The following KDM4B variants were observed in gnomAD, a reference collection of about 807,000 sequenced individuals.
KDM4B encodes lysine-specific demethylase 4B.
KDM4B carries 32 observed loss-of-function variants against 125.2 expected under a neutral mutation model. The ratio of observed to expected loss-of-function variants is 0.26; its 90% CI spans 0.19 to 0.34. The LOEUF (loss-of-function observed/expected upper bound fraction) is 0.34. KDM4B is among the 10% of genes least tolerant of loss of function. The pLI is 1.00. For missense variants in KDM4B, 1,190 were observed against 1,577.7 expected (o/e 0.75, Z 4.16); for synonymous variants, 721 against 677.9 (o/e 1.06, Z -0.99).
chr19:5,068,176 G>A (rs2037834768), intron 6 of KDM4B, among the ~76,000 whole-genome samples: 1 of 152,026 alleles, frequency 6.6e-6, no homozygotes, highest in African/African-American at 2.4e-5. Flanking sequence ...ATGAGGAGGG[G>A]GCCGTGCATT....
chr19:4,976,238 A>T (rs1299341705), intron 1 of KDM4B, among the ~76,000 whole-genome samples: 4 of 142,546 alleles, frequency 2.8e-5, no homozygotes, highest in Non-Finnish European at 6.1e-5. Flanking sequence ...GACAAGAGGG[A>T]AACTCAGTCT....
chr19:4,980,400 AGAGCC>A lies in KDM4B; in HGVS notation c.-109+11171_-109+11175del, dbSNP rs535326486. On this transcript the variant is annotated intron_variant, in intron 1 of 22. Transcript: ENST00000159111. ...GGTGTATCCACGCATGGCATGTGTC[AGAGCC>A]TTGTCCCTTTTCTTTCTTTTTTTTT... 1.2e-4 allele frequency among the ~76,000 whole-genome samples: 18 copies of A among 149,364 alleles called. No individual in the cohort carries two copies. In the South Asian group the frequency reaches 3.0e-3, roughly 25 times the overall value.
chr19:5,091,536 G>A (rs1366572981), intron 9 of KDM4B, among the ~76,000 whole-genome samples: 1 of 152,212 alleles, frequency 6.6e-6, no homozygotes, highest in Non-Finnish European at 1.5e-5. Context: ...CCCGCATCCA[G>A]GCTGGATGGG....
intron 1 of KDM4B, among the ~76,000 whole-genome samples, chr19:4,970,449 C>T (rs985318966): frequency 6.6e-6 from 1 of 152,008 alleles, no homozygotes; most frequent in African/African-American, 2.4e-5. Flanking sequence ...CTTTGGGTCC[C>T]ACCGGGTGCC....
At chr19:5,136,143 T>C (rs1165269552) in intron 15 of KDM4B, among the ~76,000 whole-genome samples, 3 of 152,156 alleles carry the variant, frequency 2.0e-5, no homozygotes, top group Non-Finnish European at 4.4e-5. Context: ...TGCCGAGTCT[T>C]CTCCAAGGCC....
chr19:5,150,772 T>C lies in KDM4B; in HGVS notation c.3114+322T>C, dbSNP rs1044454341. The stretch of plus-strand genomic sequence containing the variant: ...CCCCTGTGCCCTGCAGGACCCGCGC[T>C]GCCCCACCCTGCACAGGGCGGCCTC... On this transcript the variant is annotated intron_variant, in intron 22 of 22. Transcript: ENST00000159111. 1.3e-3 allele frequency among the ~76,000 whole-genome samples: 192 copies of C among 152,276 alleles called. 1 individual carries two copies. The highest frequency in any genetic ancestry group is 4.5e-3 in the African/African-American group (185 of 41,564).
rs2038179782 is a variant in KDM4B at position 5,078,237 on chromosome 19, C to T, written c.780+767C>T. ...GCTCTGTCCAGGTGAGAGGCACGTG[C>T]CAAGAACCTGCAAGGCAGGTCTGGG... is the stretch of plus-strand genomic sequence containing the variant. On this transcript the variant is annotated intron_variant, in intron 8 of 22. Coordinates refer to ENST00000159111, the MANE Select transcript of KDM4B (RefSeq NM_015015.3). The surrounding 1 kb of genome is among the most constrained non-coding windows in gnomAD (Gnocchi z 4.5). The T allele has an allele frequency of 1.3e-5, 2 of 152,480 alleles. No homozygotes were observed. The highest frequency in any genetic ancestry group is 4.1e-4 in the South Asian group (2 of 4,832). The allele number at this position is 152,480 out of a possible 1,614,324, so 9.4% of individuals were successfully genotyped here. A position where few individuals can be genotyped will look rare whatever the true frequency, so the allele number is the denominator to read the frequency against.
intron 1 of KDM4B, among the ~76,000 whole-genome samples, chr19:4,983,742 G>A (rs961802165): frequency 6.6e-6 from 1 of 152,180 alleles, no homozygotes; most frequent in Non-Finnish European, 1.5e-5. Flanking sequence ...GATCAGCACC[G>A]CCCAGGAATA....
intron 18 of KDM4B, 33 bp downstream of exon 18, chr19:5,138,103 G>A (rs1258416272): frequency 2.2e-5 from 34 of 1,533,204 alleles, no homozygotes; most frequent in Non-Finnish European, 2.8e-5. Context: ...CACCCTGCCC[G>A]TGCCTCTAGG....
intron 2 of KDM4B, among the ~76,000 whole-genome samples, chr19:5,025,768 T>C (rs2036259125): frequency 6.6e-6 from 1 of 152,264 alleles, no homozygotes; most frequent in Non-Finnish European, 1.5e-5. Context: ...CTTGCACCCC[T>C]GCGTGTTTGA....
chr19:5,140,954 CG>C (rs1178696034), intron 18 of KDM4B: 10 of 152,236 alleles, frequency 6.6e-5, no homozygotes, highest in African/African-American at 2.4e-4. Flanking sequence ...TTCCCAGCCG[CG>C]GACACAGTGC....
At chr19:5,055,765 G>A (rs141199296) in intron 6 of KDM4B, among the ~76,000 whole-genome samples, 1 of 152,156 alleles carries the variant, frequency 6.6e-6, no homozygotes, top group African/African-American at 2.4e-5. Context: ...CCACTTTTTG[G>A]TGAAGTCTTC....
chr19:5,080,536 G>A (rs1242027934), intron 8 of KDM4B, among the ~76,000 whole-genome samples: 2 of 152,252 alleles, frequency 1.3e-5, no homozygotes, highest in East Asian at 1.9e-4. Context: ...GGACGGCCAC[G>A]TCAGAACACC....
intron 1 of KDM4B, among the ~76,000 whole-genome samples, chr19:4,984,233 G>C (rs2034749993): frequency 6.6e-6 from 1 of 152,200 alleles, no homozygotes; most frequent in Non-Finnish European, 1.5e-5. Context: ...GGCCCCGGGA[G>C]GTCACAGGAA....
chr19:4,993,500 G>A (rs574792489), intron 1 of KDM4B, among the ~76,000 whole-genome samples: 1 of 151,280 alleles, frequency 6.6e-6, no homozygotes, highest in South Asian at 2.1e-4. Context: ...TTTGCTTCAT[G>A]TATTTTGGGG....
At chr19:5,043,477 G>A (rs145476906) in intron 5 of KDM4B, among the ~76,000 whole-genome samples, 5,375 of 146,962 alleles carry the variant, frequency 0.037, 93 homozygotes, top group Non-Finnish European at 0.054. Flanking sequence ...CGGAGTGGGG[G>A]TGTCCACCTT....
Position 5,094,886 on chromosome 19 carries a change from G to C in KDM4B, c.918+12382G>C, listed in dbSNP as rs529912874. Among the ~76,000 whole-genome samples the C allele has an allele frequency of 5.5e-4, 84 of 152,332 alleles. 1 individual carries two copies. The highest frequency in any genetic ancestry group is 1.7e-3 in the African/African-American group (72 of 41,570). On this transcript the variant is annotated intron_variant, in intron 9 of 22. Transcript: ENST00000159111. ...AATAGCCGGGTGGGCTGGTGGCCGT[G>C]TCCTGGGCAGCGCAGGTGCAGGTCA...
At chr19:5,113,791 G>T in intron 10 of KDM4B, 1 of 687,022 alleles carries the variant, frequency 1.5e-6, no homozygotes, top group Non-Finnish European at 1.8e-6. Flanking sequence ...TAGACCAAGG[G>T]ATGGCATCAG....
intron 6 of KDM4B, among the ~76,000 whole-genome samples, chr19:5,048,393 CTGCGGA>C (rs2037101519): frequency 1.3e-5 from 2 of 152,242 alleles, no homozygotes; most frequent in African/African-American, 4.8e-5. Context: ...CTGCTTGTGA[CTGCGGA>C]ACCTGCTGGG....
Sources: gnomAD v4.1 joint callset for allele counts (sites outside exome capture counted in the v4.1 genomes callset) on GRCh38, gnomAD v4.1.1 for gene constraint, Gnocchi (gnomAD v3.1) non-coding constraint, MANE v1.5 for transcripts, NCBI Gene and HGNC (gene_info 2026-07-23, HGNC 2026-07-21) for gene names.